Variants in GRIP1 observed in about 807,000 individuals in gnomAD.
GRIP1 encodes the protein glutamate receptor interacting protein 1, also known as glutamate receptor-interacting protein 1.
Under a neutral mutation model 129.9 loss-of-function variants are expected in GRIP1, and 45 were observed. The observed-to-expected ratio is 0.35, with a 90% CI of 0.27 to 0.44. The LOEUF is 0.44. GRIP1 is among the 20% of genes least tolerant of loss of function. The probability of loss-of-function intolerance (pLI) is 1.00; values close to 1 mark genes in which losing one functional copy is unlikely to be tolerated. For missense variants in GRIP1, 1,196 were observed against 1,396.8 expected (o/e 0.86, Z 2.29); for synonymous variants, 530 against 520.8 (o/e 1.02, Z -0.24).
chr12:66,953,401 A>G (rs2137501249), intron 1 of GRIP1, among the ~76,000 whole-genome samples: 1 of 152,280 alleles, frequency 6.6e-6, no homozygotes, highest in Non-Finnish European at 1.5e-5. Context: ...AGCACCCCAT[A>G]AGAATTATCT....
chr12:66,579,688 A>G (rs36185920), intron 2 of GRIP1, among the ~76,000 whole-genome samples: 37,901 of 151,816 alleles, frequency 0.25, 4,846 homozygotes, highest in Admixed American at 0.28. Flanking sequence ...GAAATGAAGC[A>G]AGAAGGGAAG....
intron 1 of GRIP1, among the ~76,000 whole-genome samples, chr12:66,963,778 G>A (rs2041956874): frequency 6.6e-6 from 1 of 152,042 alleles, no homozygotes; most frequent in Non-Finnish European, 1.5e-5. Flanking sequence ...AGCCTAGACA[G>A]CCCCCTCTCA....
At chr12:66,854,786 T>G (rs1261035194) in intron 1 of GRIP1, among the ~76,000 whole-genome samples, 1 of 152,062 alleles carries the variant, frequency 6.6e-6, no homozygotes, top group Non-Finnish European at 1.5e-5. Context: ...ATGGATGCTC[T>G]TATAAATTAA....
In GRIP1 at chr12:66,585,501, A is replaced by G. The variant is rs1227220356; in HGVS notation, c.136+11346T>C. ...CTACATTTTCTTAATCCAGTCTATCATTGTTGGACATTTGGGTTGGTTGCA... is the reference window on the plus strand; with the variant it reads ...CTACATTTTCTTAATCCAGTCTATCGTTGTTGGACATTTGGGTTGGTTGCA... On this transcript the variant is annotated intron_variant, in intron 2 of 24. Transcript: ENST00000359742. Among the ~76,000 whole-genome samples, 5 of 138,516 alleles carry G rather than the reference A, an allele frequency of 3.6e-5. No homozygotes were observed. The South Asian group carries it at 1.2e-3, about 33-fold the overall frequency. 90.9% of individuals were successfully genotyped at this position (138,516 alleles called of 152,430 possible).
At chr12:66,780,726 C>A (rs183486833) in intron 1 of GRIP1, among the ~76,000 whole-genome samples, 2 of 152,104 alleles carry the variant, frequency 1.3e-5, no homozygotes, top group Non-Finnish European at 2.9e-5. Flanking sequence ...CAGAGGATGG[C>A]AAAAGTGTCT....
intron 1 of GRIP1, among the ~76,000 whole-genome samples, chr12:66,929,520 G>A (rs1008184447): frequency 3.3e-5 from 5 of 152,112 alleles, no homozygotes; most frequent in African/African-American, 1.2e-4. Context: ...ACCAAAATTG[G>A]AGGTTCACAT....
chr12:66,751,788 G>A (rs997338353), intron 1 of GRIP1, among the ~76,000 whole-genome samples: 13 of 152,108 alleles, frequency 8.5e-5, no homozygotes, highest in African/African-American at 2.2e-4. Flanking sequence ...AATTTATCTC[G>A]CTTATAAACT....
At chr12:67,020,065 ACTT>A (rs1304720426) in intron 1 of GRIP1, among the ~76,000 whole-genome samples, 2 of 152,156 alleles carry the variant, frequency 1.3e-5, no homozygotes, top group African/African-American at 4.8e-5. Flanking sequence ...TTTTTTAGTA[ACTT>A]CTTTTTTTGC....
In GRIP1 at chr12:66,660,573, A is replaced by G. The variant is rs534256062; in HGVS notation, c.55+18277T>C. On this transcript the variant is annotated intron_variant, in intron 1 of 24. Coordinates refer to ENST00000359742, the MANE Select transcript of GRIP1 (RefSeq NM_001366722.1). ...TTCAACATTTATATTTCATGAAACC[A>G]TAAGACTACATAATAATTGTACAAA... Among the ~76,000 whole-genome samples the G allele has an allele frequency of 2.0e-5, 3 of 152,268 alleles. No individual in the cohort carries two copies. In the East Asian group the frequency reaches 5.8e-4, roughly 29 times the overall value.
chr12:66,471,107 T>C (rs190843502), intron 7 of GRIP1, among the ~76,000 whole-genome samples: 12 of 152,302 alleles, frequency 7.9e-5, no homozygotes, highest in Admixed American at 2.6e-4. Context: ...ATATAGGTCA[T>C]GGCAGAGCAG....
intron 7 of GRIP1, among the ~76,000 whole-genome samples, chr12:66,466,429 T>G (rs1218282822): frequency 1.3e-5 from 2 of 152,228 alleles, no homozygotes; most frequent in Non-Finnish European, 2.9e-5. Context: ...AGAAAGCTCA[T>G]GATGTTGCTT....
chr12:66,990,077 G>GAACATAT, intron 1 of GRIP1, among the ~76,000 whole-genome samples: 1 of 152,188 alleles, frequency 6.6e-6, no homozygotes, highest in Non-Finnish European at 1.5e-5. Flanking sequence ...TTCATTAAAA[G>GAACATAT]GGATGGTACA....
intron 1 of GRIP1, among the ~76,000 whole-genome samples, chr12:66,850,153 A>G (rs1336858255): frequency 1.3e-5 from 2 of 152,178 alleles, no homozygotes; most frequent in South Asian, 2.1e-4. Flanking sequence ...GATGAGTTAT[A>G]TTACAAATCT....
At chr12:66,924,020 T>A (rs1441602438) in intron 1 of GRIP1, among the ~76,000 whole-genome samples, 1 of 152,056 alleles carries the variant, frequency 6.6e-6, no homozygotes, top group Non-Finnish European at 1.5e-5. Flanking sequence ...GATTTTTATA[T>A]TTTTAGTAGA....
At chr12:66,853,909 T>C (rs902410052) in intron 1 of GRIP1, among the ~76,000 whole-genome samples, 10 of 152,220 alleles carry the variant, frequency 6.6e-5, no homozygotes, top group Admixed American at 3.9e-4. Context: ...TTTTAAAGAA[T>C]AGATACTAAA....
intron 2 of GRIP1, among the ~76,000 whole-genome samples, chr12:66,583,106 A>T (rs1592596625): frequency 6.6e-6 from 1 of 151,880 alleles, no homozygotes; most frequent in Non-Finnish European, 1.5e-5. Flanking sequence ...AACGCCGCAT[A>T]TCTACAACCA....
chr12:66,564,524 T>C (rs1393661386), intron 2 of GRIP1, among the ~76,000 whole-genome samples: 8 of 151,496 alleles, frequency 5.3e-5, no homozygotes, highest in African/African-American at 1.2e-4. Flanking sequence ...TCCAGTCTAC[T>C]ATTGTTGGAC....
At chr12:66,440,056 C>G (rs1565739258) in intron 13 of GRIP1, among the ~76,000 whole-genome samples, 2 of 152,190 alleles carry the variant, frequency 1.3e-5, no homozygotes, top group Non-Finnish European at 2.9e-5. Flanking sequence ...CTTTTCAACC[C>G]TCGAAGCTGC....
At chr12:66,674,907 T>C (rs947832186) in intron 1 of GRIP1, among the ~76,000 whole-genome samples, 5 of 152,056 alleles carry the variant, frequency 3.3e-5, no homozygotes, top group African/African-American at 4.8e-5. Flanking sequence ...AGAAAGAAAG[T>C]AGAATGCACA....
Sources: gnomAD v4.1 joint callset for allele counts (sites outside exome capture counted in the v4.1 genomes callset) on GRCh38, gnomAD v4.1.1 for gene constraint, MANE v1.5 for transcripts, NCBI Gene and HGNC (gene_info 2026-07-23, HGNC 2026-07-21) for gene names.